The following BACH2 variants were observed in gnomAD, a reference collection of about 807,000 sequenced individuals.
BACH2 encodes the protein transcription regulator protein BACH2.
Under a neutral mutation model 61.8 loss-of-function variants are expected in BACH2, and 5 were observed. The observed-to-expected ratio is 0.08, with a 90% CI of 0.04 to 0.17. The LOEUF (loss-of-function observed/expected upper bound fraction) is 0.17, where lower values mean the gene tolerates loss of function less well. Ranked by LOEUF, BACH2 falls within the 10% of genes least tolerant of loss-of-function variation. BACH2 has a pLI of 1.00. For synonymous variants in BACH2, 446 were observed against 440.1 expected (o/e 1.01, Z -0.17); for missense variants, 824 against 1,091.1 (o/e 0.76, Z 3.45).
chr6:89,978,819 C>T (rs184596935), intron 6 of BACH2, among the ~76,000 whole-genome samples: 155 of 152,192 alleles, frequency 1.0e-3, no homozygotes, highest in Non-Finnish European at 1.6e-3. Context: ...ATAAAATGCA[C>T]GCTGTCCCTG....
intron 5 of BACH2, among the ~76,000 whole-genome samples, chr6:90,011,930 A>ATGTG (rs1554227943): frequency 2.6e-3 from 254 of 98,746 alleles, no homozygotes; most frequent in African/African-American, 6.9e-3. Context: ...AAAAAAAAAA[A>ATGTG]TATGTGTGTG....
chr6:90,063,563 C>G (rs1183590322), intron 5 of BACH2, among the ~76,000 whole-genome samples: 2 of 152,138 alleles, frequency 1.3e-5, no homozygotes, highest in Non-Finnish European at 1.5e-5. Context: ...GGTTTTGATA[C>G]CCACAGGTGA....
intron 8 of BACH2, among the ~76,000 whole-genome samples, chr6:89,936,484 G>A (rs1457638917): frequency 2.0e-5 from 3 of 152,170 alleles, no homozygotes; most frequent in Admixed American, 6.5e-5. Context: ...AAAAAGTGGA[G>A]GAATGTCCAA....
At chr6:90,089,447 T>G (rs889158053) in intron 4 of BACH2, among the ~76,000 whole-genome samples, 1 of 152,008 alleles carries the variant, frequency 6.6e-6, no homozygotes, top group Non-Finnish European at 1.5e-5. Flanking sequence ...TCATCTCACG[T>G]TTTCTGTCAG....
intron 5 of BACH2, among the ~76,000 whole-genome samples, chr6:90,026,917 G>T (rs910424814): frequency 6.6e-6 from 1 of 152,108 alleles, no homozygotes; most frequent in Non-Finnish European, 1.5e-5. Context: ...TGGTTCACCC[G>T]GTAACTAAGA....
chr6:90,130,341 C>G (rs1021352057), intron 4 of BACH2, among the ~76,000 whole-genome samples: 1 of 152,272 alleles, frequency 6.6e-6, no homozygotes, highest in Middle Eastern at 3.4e-3. Flanking sequence ...AATGCAGCCA[C>G]CAGCTAGGAT....
intron 6 of BACH2, among the ~76,000 whole-genome samples, chr6:89,974,550 C>A (rs1322998368): frequency 6.6e-6 from 1 of 152,252 alleles, no homozygotes; most frequent in Non-Finnish European, 1.5e-5. Flanking sequence ...GATGTCCTCA[C>A]ACGTTCCATG....
chr6:90,181,092 T>C (rs572345164), intron 4 of BACH2, among the ~76,000 whole-genome samples: 1 of 152,352 alleles, frequency 6.6e-6, no homozygotes, highest in African/African-American at 2.4e-5. Context: ...GAAATCTCCA[T>C]ATTGTTTTCC....
At chr6:90,032,903 C>A (rs1239933207) in intron 5 of BACH2, among the ~76,000 whole-genome samples, 2 of 152,160 alleles carry the variant, frequency 1.3e-5, no homozygotes, top group Non-Finnish European at 2.9e-5. Context: ...AAGACACATG[C>A]ACATGTATGT....
intron 6 of BACH2, among the ~76,000 whole-genome samples, chr6:89,993,878 T>C (rs553590286): frequency 6.6e-6 from 1 of 152,248 alleles, no homozygotes; most frequent in Admixed American, 6.5e-5. Context: ...TCTTCTTTTT[T>C]ATAAAACCCA....
At chr6:90,290,562 G>C (rs1048989134) in intron 1 of BACH2, among the ~76,000 whole-genome samples, 2 of 152,120 alleles carry the variant, frequency 1.3e-5, no homozygotes, top group African/African-American at 2.4e-5. Flanking sequence ...GAAGAATACA[G>C]GATAGGAAAA....
At chr6:90,209,503 T>G (rs1264205289) in intron 3 of BACH2, among the ~76,000 whole-genome samples, 1 of 152,254 alleles carries the variant, frequency 6.6e-6, no homozygotes, top group Non-Finnish European at 1.5e-5. Context: ...TTTCAATGTA[T>G]GTATCCATCC....
chr6:90,230,491 G>T (rs1770059581), intron 3 of BACH2, among the ~76,000 whole-genome samples: 1 of 152,204 alleles, frequency 6.6e-6, no homozygotes, highest in Non-Finnish European at 1.5e-5. Flanking sequence ...AGTACTGGTC[G>T]TAGGACAACT....
At chr6:89,989,238 C>A (rs1301828763) in intron 6 of BACH2, among the ~76,000 whole-genome samples, 1 of 152,170 alleles carries the variant, frequency 6.6e-6, no homozygotes, top group Non-Finnish European at 1.5e-5. Flanking sequence ...TATTGTAAAA[C>A]AAATCTCCAG....
chr6:89,939,016 T>C lies in BACH2; in HGVS notation c.1837-666A>G, dbSNP rs559615013. ...AAAGCCGTACAGTGCTATACAAGTG[T>C]TGGGCACTTTGGGAATTTATTTTCC... On this transcript the variant is annotated intron_variant, in intron 7 of 8. Transcript: ENST00000257749. Among the ~76,000 whole-genome samples the C allele has an allele frequency of 3.3e-5, 5 of 152,354 alleles. No homozygotes were observed. The East Asian group carries it at 5.8e-4, about 18-fold the overall frequency.
rs1035122648 is a variant in BACH2 at position 89,979,932 on chromosome 6, T to C, written c.244-28070A>G. On this transcript the variant is annotated intron_variant, in intron 6 of 8. Coordinates refer to ENST00000257749, the MANE Select transcript of BACH2 (RefSeq NM_021813.4). ...AACCAAATGCATGAGATAATGGAAA[T>C]GTTTCAAGTAGTGCAAATATGAACT... Among the ~76,000 whole-genome samples the C allele has an allele frequency of 5.9e-5, 9 of 152,196 alleles. 1 individual carries two copies. Among genetic ancestry groups the C allele is most frequent in the African/African-American group, 2.2e-4 (9 of 41,436 alleles).
chr6:90,056,019 AC>A (rs1164400342), intron 5 of BACH2, among the ~76,000 whole-genome samples: 1 of 152,182 alleles, frequency 6.6e-6, no homozygotes, highest in Non-Finnish European at 1.5e-5. Context: ...GCAAAAACAT[AC>A]CAAATTGTAA....
At chr6:89,983,893 G>T (rs1383153478) in intron 6 of BACH2, among the ~76,000 whole-genome samples, 1 of 152,090 alleles carries the variant, frequency 6.6e-6, no homozygotes, top group Non-Finnish European at 1.5e-5. Context: ...CAGTTATAGG[G>T]GATAACACAC....
At chr6:90,021,633 T>A (rs2127785080) in intron 5 of BACH2, among the ~76,000 whole-genome samples, 1 of 152,342 alleles carries the variant, frequency 6.6e-6, no homozygotes, top group East Asian at 1.9e-4. Flanking sequence ...AAGGGTTAGT[T>A]CTTATAAAAG....
Sources: gnomAD v4.1 joint callset for allele counts (sites outside exome capture counted in the v4.1 genomes callset) on GRCh38, gnomAD v4.1.1 for gene constraint, MANE v1.5 for transcripts, NCBI Gene and HGNC (gene_info 2026-07-23, HGNC 2026-07-21) for gene names.